CWC27: variants seen among roughly 807,000 people sequenced by gnomAD.
CWC27 encodes the protein CWC27 spliceosome associated cyclophilin.
A neutral mutation model predicts 63.6 loss-of-function variants in CWC27; 47 were observed. The ratio of observed to expected loss-of-function variants is 0.74; its 90% CI spans 0.58 to 0.94. The LOEUF is 0.94. Ranked by LOEUF, CWC27 falls within the 40% of genes least tolerant of loss-of-function variation. The pLI is 0.00. For missense variants in CWC27, 495 were observed against 554.3 expected, an observed-to-expected ratio of 0.89 and a Z score of 1.07; for synonymous variants, 175 against 179.8, an observed-to-expected ratio of 0.97 and a Z score of 0.22.
At chr5:64,821,573 ATCT>A (rs1418492792) in intron 10 of CWC27, among the ~76,000 whole-genome samples, 2 of 152,184 alleles carry the variant, frequency 1.3e-5, no homozygotes, top group Non-Finnish European at 2.9e-5. Context: ...ACCTGTTTTA[ATCT>A]TCTACTGCAG....
At chr5:64,786,387 T>C (rs1743886988) in intron 5 of CWC27, 137 bp from the exon 6 acceptor site, 1 of 464,308 alleles carries the variant, frequency 2.2e-6, no homozygotes, top group Admixed American at 4.3e-5. Flanking sequence ...TGTTGTGTAG[T>C]AAATATATAT....
At chr5:64,871,053 T>C (rs889726632) in intron 10 of CWC27, among the ~76,000 whole-genome samples, 4 of 152,028 alleles carry the variant, frequency 2.6e-5, no homozygotes, top group Admixed American at 2.0e-4. Context: ...GAGAACTGAA[T>C]TGTTTTTCAT....
intron 10 of CWC27, among the ~76,000 whole-genome samples, chr5:64,824,923 G>A (rs1362968626): frequency 2.0e-5 from 3 of 151,382 alleles, no homozygotes; most frequent in East Asian, 1.9e-4. Context: ...TAGTAGAGGC[G>A]GGGTTTTACC....
intron 7 of CWC27, among the ~76,000 whole-genome samples, chr5:64,793,906 T>C (rs1744165578): frequency 6.6e-6 from 1 of 152,156 alleles, no homozygotes; most frequent in Admixed American, 6.6e-5. Flanking sequence ...CTCTGGTTTA[T>C]GGATTATCAG....
Position 64,979,139 on chromosome 5 carries a change from C to T in CWC27, c.1256+1901C>T, listed in dbSNP as rs571062338. Among the ~76,000 whole-genome samples the T allele has an allele frequency of 4.6e-5, 7 of 152,076 alleles. No homozygotes were observed. The East Asian group carries it at 7.7e-4, about 17-fold the overall frequency. On this transcript the variant is annotated intron_variant, in intron 13 of 13. Coordinates refer to ENST00000381070, the MANE Select transcript of CWC27 (RefSeq NM_005869.4). ...AACATTCTCATTAGAAAGTTTAAAACGGGGAAACTTCACTGGACATGGGGA... is the reference window on the plus strand; with the variant it reads ...AACATTCTCATTAGAAAGTTTAAAATGGGGAAACTTCACTGGACATGGGGA...
intron 10 of CWC27, chr5:64,844,783 C>T: frequency 2.4e-6 from 1 of 416,218 alleles, no homozygotes; most frequent in Admixed American, 2.6e-5. Context: ...AAGCATAGAG[C>T]CTAGACCTGT....
intron 10 of CWC27, among the ~76,000 whole-genome samples, chr5:64,836,914 T>C (rs1008829182): frequency 7.2e-5 from 11 of 152,088 alleles, no homozygotes; most frequent in Admixed American, 7.2e-4. Context: ...ATATTTCTGT[T>C]CCAAAGAGTT....
At chr5:64,892,468 A>G (rs988496679) in intron 11 of CWC27, among the ~76,000 whole-genome samples, 1 of 152,238 alleles carries the variant, frequency 6.6e-6, no homozygotes, top group Non-Finnish European at 1.5e-5. Context: ...AGATTACCCC[A>G]TAATACTTCG....
At chr5:64,930,004 C>T (rs1440161741) in intron 11 of CWC27, among the ~76,000 whole-genome samples, 6 of 151,826 alleles carry the variant, frequency 4.0e-5, no homozygotes, top group Non-Finnish European at 8.8e-5. Context: ...GTGATGTATT[C>T]GTACAGTGAA....
intron 10 of CWC27, among the ~76,000 whole-genome samples, chr5:64,859,619 G>T (rs1178834593): frequency 2.6e-5 from 4 of 152,140 alleles, no homozygotes; most frequent in Non-Finnish European, 5.9e-5. Context: ...AGTGATAAAA[G>T]TAGATATATC....
At chr5:64,821,013 A>G (rs1745182095) in intron 10 of CWC27, among the ~76,000 whole-genome samples, 2 of 152,026 alleles carry the variant, frequency 1.3e-5, no homozygotes, top group Admixed American at 1.3e-4. Flanking sequence ...TTTGCAAACC[A>G]TATATCTGAT....
At chr5:64,817,094 G>A (rs531741370) in intron 10 of CWC27, among the ~76,000 whole-genome samples, 3 of 152,104 alleles carry the variant, frequency 2.0e-5, no homozygotes, top group East Asian at 3.9e-4. Context: ...TGTTTTGGCC[G>A]TGCTATTACC....
intron 11 of CWC27, among the ~76,000 whole-genome samples, chr5:64,904,397 A>T (rs1434704779): frequency 3.3e-5 from 5 of 152,244 alleles, no homozygotes; most frequent in Non-Finnish European, 7.3e-5. Context: ...AATGTTGACC[A>T]AGGCTATATA....
Position 64,804,242 on chromosome 5 carries a change from A to G in CWC27, c.794A>G (p.Glu265Gly). Residue 265 changes from glutamate to glycine, a missense_variant, in exon 10 of 14, where the codon GAA becomes GGA. Glu to Gly is a moderately conservative substitution (Grantham distance 98, BLOSUM62 -2). Coordinates refer to ENST00000381070, the MANE Select transcript of CWC27 (RefSeq NM_005869.4). ...APDLVDDGEDESAEHDEYIDG... is the reference protein window; with the variant it reads ...APDLVDDGEDGSAEHDEYIDG... ...CCATTTCTACAGGATGGAGAAGATG[A>G]AAGTGCAGAGCATGATGAATATATT... is the stretch of plus-strand genomic sequence containing the variant. The G allele has an allele frequency of 1.2e-6, 2 of 1,605,976 alleles. No individual in the cohort carries two copies. The highest frequency in any genetic ancestry group is 1.7e-6 in the Non-Finnish European group (2 of 1,176,162).
intron 7 of CWC27, among the ~76,000 whole-genome samples, chr5:64,791,221 T>G (rs1744069445): frequency 6.6e-6 from 1 of 152,198 alleles, no homozygotes; most frequent in Non-Finnish European, 1.5e-5. Flanking sequence ...AAAGTAAGTT[T>G]TGTTCACAAT....
intron 11 of CWC27, among the ~76,000 whole-genome samples, chr5:64,966,261 A>T (rs1178950518): frequency 1.3e-5 from 2 of 152,128 alleles, no homozygotes; most frequent in African/African-American, 2.4e-5. Context: ...ATGTATTTGT[A>T]TGGAGAGGGA....
At chr5:64,824,834 G>A (rs1210151168) in intron 10 of CWC27, among the ~76,000 whole-genome samples, 1 of 145,142 alleles carries the variant, frequency 6.9e-6, no homozygotes. Flanking sequence ...CCAGGTTCAA[G>A]AGATTCTCCT....
In CWC27 at chr5:64,885,477, CG is replaced by C; in HGVS notation, c.976del (p.Glu326AsnfsTer3). 6.2e-7 allele frequency: 1 copy of C among 1,609,320 alleles called. No individual in the cohort carries two copies. The highest frequency in any genetic ancestry group is 8.5e-7 in the Non-Finnish European group (1 of 1,177,920). On this transcript the variant is annotated frameshift_variant, in exon 11 of 14. Transcript: ENST00000381070. LOFTEE classifies it high-confidence loss of function. ...CAGAAAAGAAGCAAGACAATTAAAA[CG>C]GGAACTCTTAGCAGCAAAACAAAAA... The part of the protein sequence containing the change: ...ELRKEARQLK[R>X]ELLAAKQKKV...
intron 11 of CWC27, among the ~76,000 whole-genome samples, chr5:64,961,000 G>T (rs1415363106): frequency 1.3e-5 from 2 of 151,892 alleles, no homozygotes; most frequent in Non-Finnish European, 2.9e-5. Flanking sequence ...GACAACAGAG[G>T]GTATAAGTAT....
Sources: gnomAD v4.1 joint callset for allele counts (sites outside exome capture counted in the v4.1 genomes callset) on GRCh38, gnomAD v4.1.1 for gene constraint, MANE v1.5 for transcripts, NCBI Gene and HGNC (gene_info 2026-07-23, HGNC 2026-07-21) for gene names.